Variants in ENOX1 observed in about 807,000 individuals in gnomAD.
ENOX1 encodes candidate growth-related and time keeping constitutive hydroquinone (NADH) oxidase.
A neutral mutation model predicts 82.5 loss-of-function variants in ENOX1; 42 were observed. That is an observed-to-expected ratio of 0.51 (90% CI 0.40 to 0.66). The LOEUF (loss-of-function observed/expected upper bound fraction) is 0.66, where lower values mean the gene tolerates loss of function less well. Ranked by LOEUF, ENOX1 falls within the 30% of genes least tolerant of loss-of-function variation. ENOX1 has a pLI of 0.00. For synonymous variants in ENOX1, 271 were observed against 282.2 expected (o/e 0.96, Z 0.40); for missense variants, 608 against 811.6 (o/e 0.75, Z 3.05).
At chr13:43,766,798 A>G (rs1270825899) in intron 1 of ENOX1, among the ~76,000 whole-genome samples, 6 of 152,216 alleles carry the variant, frequency 3.9e-5, no homozygotes, top group Admixed American at 1.3e-4. Context: ...ATGGAACAGA[A>G]GAATGGGAAT....
At position 43,470,400 on chromosome 13, in the gene ENOX1, G is replaced by A. The variant is rs7490653; in HGVS notation, c.-75+13609C>T. Among the ~76,000 whole-genome samples the A allele has an allele frequency of 9.5e-3, 372 of 39,074 alleles. 25 individuals are homozygous for A. The highest frequency in any genetic ancestry group is 0.017 in the African/African-American group (190 of 11,074). 25.6% of individuals were successfully genotyped at this position (39,074 alleles called of 152,430 possible). ...TACATATATATACGTATATATATGTGTATATATATATATATATAACAGAGA... is the reference window on the plus strand; with the variant it reads ...TACATATATATACGTATATATATGTATATATATATATATATATAACAGAGA... On this transcript the variant is annotated intron_variant, in intron 3 of 16. Transcript: ENST00000690772.
At chr13:43,343,382 G>A (rs1189111343) in intron 9 of ENOX1, among the ~76,000 whole-genome samples, 1 of 152,186 alleles carries the variant, frequency 6.6e-6, no homozygotes, top group East Asian at 1.9e-4. Context: ...TCTGGTATCA[G>A]TCTGTGTGAA....
chr13:43,342,265 G>A (rs188530533), intron 9 of ENOX1, among the ~76,000 whole-genome samples: 14 of 152,196 alleles, frequency 9.2e-5, no homozygotes, highest in African/African-American at 1.2e-4. Flanking sequence ...GGGTGGTGGC[G>A]GTTACAATGA....
At chr13:43,744,409 G>A (rs1227244856) in intron 1 of ENOX1, among the ~76,000 whole-genome samples, 7 of 152,012 alleles carry the variant, frequency 4.6e-5, no homozygotes, top group African/African-American at 9.7e-5. Context: ...GCCTCTTAAC[G>A]AGGAAAGGAG....
At chr13:43,659,979 T>A (rs534451918) in intron 2 of ENOX1, among the ~76,000 whole-genome samples, 1 of 152,228 alleles carries the variant, frequency 6.6e-6, no homozygotes. Context: ...ACCAACTCTA[T>A]AGAAAACATA....
intron 1 of ENOX1, among the ~76,000 whole-genome samples, chr13:43,693,459 T>C (rs1169576793): frequency 3.3e-5 from 5 of 152,196 alleles, no homozygotes; most frequent in African/African-American, 7.2e-5. Context: ...CAAAATACCA[T>C]AGACTGCCTG....
At chr13:43,713,717 T>C (rs1027361022) in intron 1 of ENOX1, among the ~76,000 whole-genome samples, 1 of 151,972 alleles carries the variant, frequency 6.6e-6, no homozygotes, top group Non-Finnish European at 1.5e-5. Flanking sequence ...GTTTGTAGTA[T>C]TCTCTGATGG....
intron 11 of ENOX1, among the ~76,000 whole-genome samples, chr13:43,311,195 C>T (rs1024355479): frequency 4.6e-5 from 7 of 151,702 alleles, no homozygotes; most frequent in African/African-American, 9.7e-5. Flanking sequence ...GTCGAGTGGA[C>T]GTGGATTATA....
intron 1 of ENOX1, among the ~76,000 whole-genome samples, chr13:43,723,886 G>C (rs1425140868): frequency 6.6e-6 from 1 of 152,066 alleles, no homozygotes; most frequent in Admixed American, 6.5e-5. Flanking sequence ...AAAAATGTTA[G>C]GATAAAAATG....
chr13:43,517,976 T>G (rs1327111570), intron 2 of ENOX1, among the ~76,000 whole-genome samples: 1 of 152,142 alleles, frequency 6.6e-6, no homozygotes. Context: ...TGGTTTATGG[T>G]ATTTTGTTAT....
rs141630141 is a variant in ENOX1 at position 43,766,065 on chromosome 13, T to C, written c.-285+20587A>G. 3.3e-5 allele frequency among the ~76,000 whole-genome samples: 5 copies of C among 152,308 alleles called. No individual in the cohort carries two copies. In the East Asian group the frequency reaches 9.6e-4, roughly 29 times the overall value. ...CATTTTATATGTGCTTCTCCTTCCA[T>C]TGATTAGCTGCATTTTTCCGCTTGG... is the stretch of plus-strand genomic sequence containing the variant. On this transcript the variant is annotated intron_variant, in intron 1 of 16. Coordinates refer to ENST00000690772, the MANE Select transcript of ENOX1 (RefSeq NM_001347969.2).
At chr13:43,716,209 G>A (rs2088117761) in intron 1 of ENOX1, among the ~76,000 whole-genome samples, 1 of 152,076 alleles carries the variant, frequency 6.6e-6, no homozygotes, top group African/African-American at 2.4e-5. Context: ...TTTGGTCTTC[G>A]ATGATGGTGA....
intron 1 of ENOX1, among the ~76,000 whole-genome samples, chr13:43,767,171 T>C (rs976757254): frequency 2.0e-5 from 3 of 152,212 alleles, no homozygotes; most frequent in African/African-American, 7.2e-5. Context: ...TGACTCACCA[T>C]TAATTTAGCT....
intron 2 of ENOX1, among the ~76,000 whole-genome samples, chr13:43,599,391 C>G (rs1229670301): frequency 6.6e-6 from 1 of 152,066 alleles, no homozygotes; most frequent in African/African-American, 2.4e-5. Flanking sequence ...GATAGTGGGA[C>G]TTTGCATTGA....
At chr13:43,341,383 T>C (rs2049049870) in intron 9 of ENOX1, among the ~76,000 whole-genome samples, 1 of 151,404 alleles carries the variant, frequency 6.6e-6, no homozygotes, top group Admixed American at 6.6e-5. Context: ...TGGCTCTTGA[T>C]CCAAGACCTA....
intron 5 of ENOX1, among the ~76,000 whole-genome samples, chr13:43,374,880 T>C (rs1259985986): frequency 1.3e-5 from 2 of 152,128 alleles, no homozygotes; most frequent in African/African-American, 4.8e-5. Context: ...AATCTACTTG[T>C]TTGTAGTCTC....
At position 43,298,347 on chromosome 13, in the gene ENOX1, T is replaced by G; in HGVS notation, c.1445A>C (p.Gln482Pro). The change falls in exon 12 of 17, where the codon CAG (glutamine) becomes CCG (proline). Residue 482 changes from glutamine to proline, a missense_variant and splice_region_variant. Gln to Pro is a moderately conservative substitution (Grantham distance 76). Coordinates refer to ENST00000690772, the MANE Select transcript of ENOX1 (RefSeq NM_001347969.2). Reference sequence around the variant, plus strand: ...AAAAAAAAAATCTGGGCCAGGTACCTGCTGCATGCCTTGCATGGTTTGCTG... The same window carrying G: ...AAAAAAAAAATCTGGGCCAGGTACCGGCTGCATGCCTTGCATGGTTTGCTG... ...FLQQTMQGMQ[Q>P]QLLTIQEELN... 1 of 1,595,786 alleles carries G rather than the reference T, an allele frequency of 6.3e-7. No individual in the cohort carries two copies. Among genetic ancestry groups the G allele is most frequent in the Non-Finnish European group, 8.5e-7 (1 of 1,174,090 alleles).
At chr13:43,311,392 AT>A (rs2047195563) in intron 11 of ENOX1, among the ~76,000 whole-genome samples, 2 of 152,072 alleles carry the variant, frequency 1.3e-5, no homozygotes, top group Admixed American at 6.5e-5. Flanking sequence ...AATGAAAAAA[AT>A]ATCCCCCAAC....
chr13:43,311,923 T>C (rs1487853557), intron 11 of ENOX1, among the ~76,000 whole-genome samples: 1 of 152,210 alleles, frequency 6.6e-6, no homozygotes, highest in Non-Finnish European at 1.5e-5. Context: ...TAAACTACAC[T>C]AGAAAAGTCT....
Sources: gnomAD v4.1 joint callset for allele counts (sites outside exome capture counted in the v4.1 genomes callset) on GRCh38, gnomAD v4.1.1 for gene constraint, MANE v1.5 for transcripts, NCBI Gene and HGNC (gene_info 2026-07-23, HGNC 2026-07-21) for gene names.